CXXC4: variants seen among roughly 807,000 people sequenced by gnomAD.
The protein encoded by CXXC4 is CXXC-type zinc finger protein 4.
Under a neutral mutation model 20.5 loss-of-function variants are expected in CXXC4, and 5 were observed. The ratio of observed to expected loss-of-function variants is 0.24; its 90% CI spans 0.13 to 0.51. The LOEUF (loss-of-function observed/expected upper bound fraction) is 0.51, where lower values mean the gene tolerates loss of function less well. CXXC4 is among the 20% of genes least tolerant of loss of function. CXXC4 has a pLI of 0.97. For synonymous variants in CXXC4, 250 were observed against 216.4 expected, an observed-to-expected ratio of 1.16 and a Z score of -1.36; for missense variants, 419 against 496.4, an observed-to-expected ratio of 0.84 and a Z score of 1.48.
intron 2 of CXXC4, among the ~76,000 whole-genome samples, chr4:104,480,145 T>C (rs1008289446): frequency 6.6e-6 from 1 of 152,124 alleles, no homozygotes; most frequent in Non-Finnish European, 1.5e-5. Context: ...TAATTTCTCC[T>C]CAGGAAGTTT....
intron 2 of CXXC4, among the ~76,000 whole-genome samples, chr4:104,486,311 C>T (rs1188588735): frequency 2.0e-5 from 3 of 152,092 alleles, no homozygotes; most frequent in Non-Finnish European, 4.4e-5. Flanking sequence ...ACAACTTTAA[C>T]TCCCTTGTAT....
intron 1 of CXXC4, among the ~76,000 whole-genome samples, 163 bp from the exon 2 acceptor site, chr4:104,492,222 C>G (rs1248372428): frequency 1.5e-5 from 2 of 137,630 alleles, no homozygotes; most frequent in South Asian, 2.8e-4. Flanking sequence ...CCCATCCCCC[C>G]CAACTCTCCC....
At chr4:104,479,889 T>A (rs1484546624) in intron 2 of CXXC4, among the ~76,000 whole-genome samples, 1 of 151,212 alleles carries the variant, frequency 6.6e-6, no homozygotes, top group Non-Finnish European at 1.5e-5. Context: ...AAATTAACAA[T>A]CACTCTGACT....
chr4:104,476,030 A>C (rs2110271076), intron 2 of CXXC4, among the ~76,000 whole-genome samples: 1 of 152,106 alleles, frequency 6.6e-6, no homozygotes, highest in African/African-American at 2.4e-5. Flanking sequence ...CCCTACACAA[A>C]CCAGGTACAA....
chr4:104,486,622 T>G (rs1341542851), intron 2 of CXXC4, among the ~76,000 whole-genome samples: 1 of 152,140 alleles, frequency 6.6e-6, no homozygotes, highest in Admixed American at 6.5e-5. Context: ...ATTCTTGAGA[T>G]GAAAAATTGA....
chr4:104,470,778 C>A lies in CXXC4; in HGVS notation c.*1544G>T, dbSNP rs1456249202. ...TGATACTCTACATATTTTTGCTAAA[C>A]CCTGTTCTACTCCTGAAACTGAAAA... On this transcript the variant is annotated 3_prime_UTR_variant, in exon 3 of 3. Transcript: ENST00000394767. The A allele has an allele frequency of 6.6e-6, 1 of 152,034 alleles. No homozygotes were observed. Among genetic ancestry groups the A allele is most frequent in the Non-Finnish European group, 1.5e-5 (1 of 67,984 alleles). 9.4% of individuals were successfully genotyped at this position (152,034 alleles called of 1,614,324 possible).
chr4:104,477,441 C>A (rs1249757061), intron 2 of CXXC4, among the ~76,000 whole-genome samples: 1 of 151,938 alleles, frequency 6.6e-6, no homozygotes, highest in South Asian at 2.1e-4. Flanking sequence ...AACTGATTGA[C>A]ACAAATTAAT....
intron 2 of CXXC4, among the ~76,000 whole-genome samples, chr4:104,487,842 A>G (rs1384620686): frequency 6.6e-6 from 1 of 152,210 alleles, no homozygotes; most frequent in Non-Finnish European, 1.5e-5. Context: ...CTAGGGCATC[A>G]TAAGATGCTC....
chr4:104,487,359 GATCA>G (rs1372413203), intron 2 of CXXC4, among the ~76,000 whole-genome samples: 1 of 152,138 alleles, frequency 6.6e-6, no homozygotes, highest in Non-Finnish European at 1.5e-5. Flanking sequence ...GTCCCACAGA[GATCA>G]ATCATGTCAC....
chr4:104,476,812 C>T (rs940533604), intron 2 of CXXC4, among the ~76,000 whole-genome samples: 1 of 152,056 alleles, frequency 6.6e-6, no homozygotes, highest in East Asian at 1.9e-4. Context: ...TATTTCTATA[C>T]TAATCAAAAA....
At chr4:104,476,813 T>C (rs1736419723) in intron 2 of CXXC4, among the ~76,000 whole-genome samples, 1 of 152,162 alleles carries the variant, frequency 6.6e-6, no homozygotes, top group African/African-American at 2.4e-5. Context: ...ATTTCTATAC[T>C]AATCAAAAAT....
rs1350520163 is a variant in CXXC4 at position 104,469,407 on chromosome 4, T to C, written c.*2915A>G. ...GTGTGCGTAGACCACTCTTACAAAG[T>C]TTTTTATTCAGTTTATCTGATATAT... On this transcript the variant is annotated 3_prime_UTR_variant, in exon 3 of 3. Coordinates refer to ENST00000394767, the MANE Select transcript of CXXC4 (RefSeq NM_025212.4). 6.6e-6 allele frequency: 1 copy of C among 151,856 alleles called. No individual in the cohort carries two copies. Among genetic ancestry groups the C allele is most frequent in the Non-Finnish European group, 1.5e-5 (1 of 67,822 alleles). 9.4% of individuals were successfully genotyped at this position (151,856 alleles called of 1,614,324 possible).
Position 104,491,710 on chromosome 4 carries a change from G to T in CXXC4, c.93C>A (p.Ser31Arg). The T allele has an allele frequency of 6.5e-7, 1 of 1,546,108 alleles. No homozygotes were observed. Among genetic ancestry groups the T allele is most frequent in the South Asian group, 1.2e-5 (1 of 83,506 alleles). ...ESHLPEGALN[S>R]LVDYNSEMER... ...CCATTTCCGAGTTGTAATCCACAAGGCTGTTCAGAGCCCCCTCGGGCAAGT... is the reference window on the plus strand; with the variant it reads ...CCATTTCCGAGTTGTAATCCACAAGTCTGTTCAGAGCCCCCTCGGGCAAGT... The change falls in exon 2 of 3, where the codon AGC becomes AGA. Residue 31 changes from serine to arginine, a missense_variant. Ser to Arg is a moderately radical substitution (Grantham distance 110). This residue lies in a region of CXXC4 where 388 missense variants were observed against 416.0 expected (regional missense o/e 0.93). Transcript: ENST00000394767.
intron 2 of CXXC4, among the ~76,000 whole-genome samples, chr4:104,472,629 G>T (rs576344909): frequency 6.6e-6 from 1 of 151,906 alleles, no homozygotes; most frequent in Non-Finnish European, 1.5e-5. Flanking sequence ...CCTGAAACAC[G>T]TATAGGAAGC....
At chr4:104,493,651 C>T (rs1018827326) in intron 1 of CXXC4, among the ~76,000 whole-genome samples, 1 of 152,150 alleles carries the variant, frequency 6.6e-6, no homozygotes, top group Admixed American at 6.5e-5. Flanking sequence ...TCCCTAATCA[C>T]TCAGGAACCA....
intron 2 of CXXC4, among the ~76,000 whole-genome samples, chr4:104,486,284 T>C (rs1736692890): frequency 6.6e-6 from 1 of 152,068 alleles, no homozygotes; most frequent in Admixed American, 6.6e-5. Flanking sequence ...AACATGATAT[T>C]TTGAAGTATA....
chr4:104,477,565 T>C (rs1736444645), intron 2 of CXXC4, among the ~76,000 whole-genome samples: 2 of 149,914 alleles, frequency 1.3e-5, no homozygotes, highest in Non-Finnish European at 2.9e-5. Context: ...ATATTCCTTT[T>C]GTAAATGATA....
intron 2 of CXXC4, among the ~76,000 whole-genome samples, chr4:104,474,577 T>C (rs962594581): frequency 1.3e-5 from 2 of 152,042 alleles, no homozygotes; most frequent in Non-Finnish European, 2.9e-5. Context: ...TAGTCACTTC[T>C]AACGAGATAA....
rs1736744233 is a variant in CXXC4, at chr4:104,488,184, TCCCCAAATCACTGC to T, written c.1059+2546_1059+2559del. On this transcript the variant is annotated intron_variant, in intron 2 of 2. Transcript: ENST00000394767. ...ACCCACAGGTGATATCCACAATGAG[TCCCCAAATCACTGC>T]CCTCAGCCAGGAACCCATCCAATCT... is the stretch of plus-strand genomic sequence containing the variant. 2.6e-5 allele frequency among the ~76,000 whole-genome samples: 4 copies of T among 152,278 alleles called. No individual in the cohort carries two copies. In the South Asian group the frequency reaches 8.3e-4, roughly 32 times the overall value.
Sources: gnomAD v4.1 joint callset for allele counts (sites outside exome capture counted in the v4.1 genomes callset) on GRCh38, gnomAD v4.1.1 for gene constraint, gnomAD v4.1.1 regional missense constraint, MANE v1.5 for transcripts, NCBI Gene and HGNC (gene_info 2026-07-23, HGNC 2026-07-21) for gene names.